The following SGK1 variants were observed in gnomAD, a reference collection of about 807,000 sequenced individuals.
SGK1 encodes the protein serum/glucocorticoid regulated kinase 1, also known as serine/threonine-protein kinase Sgk1.
SGK1 carries 26 observed loss-of-function variants against 64.2 expected under a neutral mutation model. That is an observed-to-expected ratio of 0.40 (90% confidence interval 0.30 to 0.56). SGK1 has a LOEUF of 0.56. Among genes scored for constraint, SGK1 ranks in the 20% least tolerant of loss-of-function variants. The pLI, the probability that SGK1 is intolerant of heterozygous loss-of-function variation, is 0.38. For synonymous variants in SGK1, 265 were observed against 239.7 expected (o/e 1.11, Z -0.98); for missense variants, 519 against 645.6 (o/e 0.80, Z 2.12).
At chr6:134,305,363 C>CAAAAAA (rs34637536) in intron 1 of SGK1, among the ~76,000 whole-genome samples, 1 of 65,622 alleles carries the variant, frequency 1.5e-5, no homozygotes, top group Non-Finnish European at 2.7e-5. Context: ...TACTTCATCT[C>CAAAAAA]AAAAAAAAAA....
intron 2 of SGK1, among the ~76,000 whole-genome samples, chr6:134,224,857 T>C (rs1289276327): frequency 6.7e-6 from 1 of 148,854 alleles, no homozygotes; most frequent in South Asian, 2.2e-4. Flanking sequence ...CCCATCTCTA[T>C]AAAAACACAA....
chr6:134,191,740 C>T, intron 3 of SGK1, among the ~76,000 whole-genome samples: 1 of 151,206 alleles, frequency 6.6e-6, no homozygotes, highest in South Asian at 2.1e-4. Flanking sequence ...GTGATCTCGG[C>T]TCACTGCAAC....
intron 1 of SGK1, among the ~76,000 whole-genome samples, chr6:134,301,055 A>T (rs888626128): frequency 2.6e-5 from 4 of 152,250 alleles, no homozygotes; most frequent in African/African-American, 9.6e-5. Context: ...ATGTAGTAGT[A>T]TCATTTACTG....
At chr6:134,199,976 A>G (rs1775656420) in intron 3 of SGK1, among the ~76,000 whole-genome samples, 1 of 152,220 alleles carries the variant, frequency 6.6e-6, no homozygotes, top group South Asian at 2.1e-4. Context: ...AGCAAAGAAC[A>G]TTATCTGTGT....
At chr6:134,277,168 C>G (rs113099233) in intron 1 of SGK1, among the ~76,000 whole-genome samples, 2,423 of 152,040 alleles carry the variant, frequency 0.016, 64 homozygotes, top group African/African-American at 0.054. Context: ...ACTAAAACTA[C>G]AAAAATTAGC....
intron 1 of SGK1, among the ~76,000 whole-genome samples, chr6:134,281,316 T>C (rs9376026): frequency 0.44 from 66,140 of 151,948 alleles, 15,003 homozygotes; most frequent in East Asian, 0.8. Context: ...GAGCAACTAA[T>C]TTAATCTCTA....
At chr6:134,201,250 C>T (rs1775676293) in intron 3 of SGK1, among the ~76,000 whole-genome samples, 1 of 151,656 alleles carries the variant, frequency 6.6e-6, no homozygotes, top group Admixed American at 6.6e-5. Flanking sequence ...TTAGTAGAGA[C>T]AGGGTTTCAC....
chr6:134,208,304 G>C (rs557404838), intron 2 of SGK1, among the ~76,000 whole-genome samples: 1 of 152,148 alleles, frequency 6.6e-6, no homozygotes, highest in East Asian at 1.9e-4. Context: ...TCCACTTAGA[G>C]GCTCTTCTTA....
chr6:134,295,566 T>C (rs1216839891), intron 1 of SGK1, among the ~76,000 whole-genome samples: 3 of 152,170 alleles, frequency 2.0e-5, no homozygotes, highest in East Asian at 3.8e-4. Context: ...TAGCTGGGCA[T>C]GGTGGTGCGT....
intron 5 of SGK1, chr6:134,173,784 G>A: frequency 5.2e-6 from 3 of 580,586 alleles, no homozygotes; most frequent in East Asian, 2.9e-5. Flanking sequence ...TATGAAATAT[G>A]CCTTTTAAAA....
At chr6:134,284,028 A>C (rs1204813681) in intron 1 of SGK1, among the ~76,000 whole-genome samples, 2 of 151,142 alleles carry the variant, frequency 1.3e-5, no homozygotes, top group Non-Finnish European at 2.9e-5. Flanking sequence ...TTTGGTGTTC[A>C]TCTGGGGTAT....
At chr6:134,298,613 C>A in intron 1 of SGK1, 1 of 1,144,138 alleles carries the variant, frequency 8.7e-7, no homozygotes, top group Non-Finnish European at 1.3e-6. Flanking sequence ...AGGTACTGGG[C>A]CCACTCGTGT....
At chr6:134,221,621 A>T (rs1342758914) in intron 2 of SGK1, among the ~76,000 whole-genome samples, 1 of 150,500 alleles carries the variant, frequency 6.6e-6, no homozygotes, top group Non-Finnish European at 1.5e-5. Flanking sequence ...TGTAAATTTC[A>T]TGAGTCCTAA....
intron 5 of SGK1, 25 bp from the exon 6 acceptor site, chr6:134,173,591 T>C: frequency 7.0e-7 from 1 of 1,438,846 alleles, no homozygotes; most frequent in South Asian, 1.2e-5. Context: ...AAAGAATTTC[T>C]TTTAATACCA....
At chr6:134,289,624 T>TACATACA (rs1777234021) in intron 1 of SGK1, among the ~76,000 whole-genome samples, 1 of 152,186 alleles carries the variant, frequency 6.6e-6, no homozygotes, top group Non-Finnish European at 1.5e-5. Context: ...CATACTGTGT[T>TACATACA]TAAAATCTGG....
chr6:134,282,238 A>G (rs1030265624), intron 1 of SGK1, among the ~76,000 whole-genome samples: 12 of 152,110 alleles, frequency 7.9e-5, no homozygotes, highest in African/African-American at 2.4e-4. Flanking sequence ...GTGCAGTGGC[A>G]TGTGTTCTTC....
chr6:134,191,113 T>C (rs74550546), intron 3 of SGK1, among the ~76,000 whole-genome samples: 3,418 of 152,310 alleles, frequency 0.022, 100 homozygotes, highest in African/African-American at 0.064. Context: ...CTTAGCACTA[T>C]TGTATTCATG....
chr6:134,178,426 G>A (rs78987468), intron 3 of SGK1, among the ~76,000 whole-genome samples: 14,354 of 152,204 alleles, frequency 0.094, 760 homozygotes, highest in Middle Eastern at 0.14. Flanking sequence ...GAGGGGAGGG[G>A]GAGACGGGGG....
intron 2 of SGK1, among the ~76,000 whole-genome samples, chr6:134,233,557 T>C (rs1320905337): frequency 4.6e-5 from 7 of 152,244 alleles, no homozygotes; most frequent in African/African-American, 1.7e-4. Context: ...CAGACACGGT[T>C]ATCTTCAGCT....
Sources: allele counts gnomAD v4.1 joint callset (sites outside exome capture counted in the v4.1 genomes callset), GRCh38; gene constraint gnomAD v4.1.1; transcripts MANE v1.5; gene names NCBI Gene and HGNC (gene_info 2026-07-23, HGNC 2026-07-21).